The following CUX1 variants were observed in gnomAD, a reference collection of about 807,000 sequenced individuals.
CUX1 encodes the protein protein CASP.
Under a neutral mutation model 158.8 loss-of-function variants are expected in CUX1, and 31 were observed. That is an observed-to-expected ratio of 0.20 (90% CI 0.15 to 0.26). The LOEUF is 0.26. Among genes scored for constraint, CUX1 ranks in the 10% least tolerant of loss-of-function variants. CUX1 has a pLI of 1.00. For synonymous variants in CUX1, 879 were observed against 862.1 expected (o/e 1.02, Z -0.34); for missense variants, 1,589 against 2,014.6 (o/e 0.79, Z 4.04).
chr7:102,012,691 C>T (rs564578616), intron 2 of CUX1, among the ~76,000 whole-genome samples: 1 of 128,416 alleles, frequency 7.8e-6, no homozygotes, highest in Admixed American at 7.5e-5. Flanking sequence ...ACTCTGTGTC[C>T]TGGAGAGTGG....
intron 8 of CUX1, chr7:102,153,226 G>C (rs1413483011): frequency 6.6e-6 from 1 of 152,266 alleles, no homozygotes; most frequent in Non-Finnish European, 1.5e-5. Flanking sequence ...GCCCCACCCA[G>C]GCCCCATAAA....
At chr7:102,269,315 C>A (rs952901180) in intron 14 of CUX1, among the ~76,000 whole-genome samples, 3 of 152,060 alleles carry the variant, frequency 2.0e-5, no homozygotes, top group Admixed American at 2.0e-4. Context: ...GGATGAATAT[C>A]CAAACTATAT....
chr7:101,928,833 G>A (rs1240302890), intron 2 of CUX1, among the ~76,000 whole-genome samples: 1 of 150,830 alleles, frequency 6.6e-6, no homozygotes, highest in African/African-American at 2.4e-5. Flanking sequence ...ACTACGCCCG[G>A]CTAATTTTTT....
At chr7:102,012,050 T>A (rs1188908876) in intron 2 of CUX1, among the ~76,000 whole-genome samples, 1 of 152,042 alleles carries the variant, frequency 6.6e-6, no homozygotes, top group Non-Finnish European at 1.5e-5. Context: ...ATTTATTTAT[T>A]TCAGATAATT....
Position 102,069,104 on chromosome 7 carries a change from T to C in CUX1, c.190-1235T>C, listed in dbSNP as rs373204390. Among the ~76,000 whole-genome samples the C allele has an allele frequency of 3.9e-4, 59 of 152,132 alleles. 1 individual carries two copies. Among genetic ancestry groups the C allele is most frequent in the African/African-American group, 1.3e-3 (54 of 41,514 alleles). On this transcript the variant is annotated intron_variant, in intron 3 of 23. Coordinates refer to ENST00000292535, the MANE Select transcript of CUX1 (RefSeq NM_181552.4). The stretch of plus-strand genomic sequence containing the variant: ...GTGTCGCTGATCTCTCCAGCCGCCC[T>C]CTCCTCCTCCTCGACACCCACAACC...
At chr7:101,955,979 G>C (rs1390065765) in intron 2 of CUX1, among the ~76,000 whole-genome samples, 1 of 151,864 alleles carries the variant, frequency 6.6e-6, no homozygotes, top group Non-Finnish European at 1.5e-5. Flanking sequence ...GTCAGGGGAT[G>C]AGACCATCCT....
At chr7:101,855,154 G>A (rs1796639649) in intron 1 of CUX1, among the ~76,000 whole-genome samples, 1 of 152,260 alleles carries the variant, frequency 6.6e-6, no homozygotes, top group Admixed American at 6.5e-5. Context: ...TCCTGCTGAA[G>A]TGTGTGCTGA....
intron 3 of CUX1, among the ~76,000 whole-genome samples, chr7:102,039,625 A>C (rs1452958778): frequency 2.7e-5 from 4 of 150,822 alleles, no homozygotes; most frequent in African/African-American, 9.8e-5. Flanking sequence ...GTTGCACTCC[A>C]GTCTGGGCAA....
At chr7:102,121,961 C>T (rs1179122259) in intron 8 of CUX1, among the ~76,000 whole-genome samples, 1 of 152,110 alleles carries the variant, frequency 6.6e-6, no homozygotes, top group Non-Finnish European at 1.5e-5. Flanking sequence ...CACAAGCCCC[C>T]GTTGTATTTA....
chr7:102,070,795 CCTA>C (rs1270752409), intron 4 of CUX1, among the ~76,000 whole-genome samples: 1 of 152,110 alleles, frequency 6.6e-6, no homozygotes, highest in Non-Finnish European at 1.5e-5. Flanking sequence ...TAGGAATGGC[CCTA>C]CTAAGACACC....
intron 2 of CUX1, among the ~76,000 whole-genome samples, chr7:102,002,065 G>A (rs1284376478): frequency 2.0e-5 from 3 of 152,210 alleles, no homozygotes; most frequent in South Asian, 2.1e-4. Flanking sequence ...AGGCTGAGAT[G>A]GGTGAGTTGC....
chr7:102,164,195 C>T lies in CUX1; in HGVS notation c.723+5587C>T, dbSNP rs756201482. Among the ~76,000 whole-genome samples, 156 of 152,186 alleles carry T rather than the reference C, an allele frequency of 1.0e-3. 1 individual carries two copies. Among genetic ancestry groups the T allele is most frequent in the Non-Finnish European group, 1.6e-3 (108 of 68,042 alleles). On this transcript the variant is annotated intron_variant, in intron 9 of 23. Coordinates refer to ENST00000292535, the MANE Select transcript of CUX1 (RefSeq NM_181552.4). ...AAAAGTGGCCCGCCCACCACCCCTCCGGGGCCTCCTTTCTGAGCAGTGGTG... is the reference window on the plus strand; with the variant it reads ...AAAAGTGGCCCGCCCACCACCCCTCTGGGGCCTCCTTTCTGAGCAGTGGTG...
At chr7:102,166,922 G>A (rs1206975564) in intron 9 of CUX1, among the ~76,000 whole-genome samples, 5 of 152,174 alleles carry the variant, frequency 3.3e-5, no homozygotes, top group Non-Finnish European at 7.3e-5. Context: ...GGGCCACAGA[G>A]AGACTGTCCG....
intron 11 of CUX1, among the ~76,000 whole-genome samples, chr7:102,181,567 G>A (rs1337298336): frequency 2.0e-5 from 3 of 152,150 alleles, no homozygotes; most frequent in Non-Finnish European, 4.4e-5. Context: ...TTCGTTATCC[G>A]TATCTTGGGG....
chr7:102,189,262 C>T (rs983438164), intron 11 of CUX1, among the ~76,000 whole-genome samples: 1 of 151,824 alleles, frequency 6.6e-6, no homozygotes, highest in Non-Finnish European at 1.5e-5. Context: ...AAAGCCTCTC[C>T]TCCTGTCCTC....
chr7:102,262,347 G>A (rs112848708), downstream of CUX1, among the ~76,000 whole-genome samples: 6 of 151,052 alleles, frequency 4.0e-5, no homozygotes, highest in African/African-American at 1.5e-4. Context: ...GTAGTGAGCC[G>A]TGATACCTCC....
intron 2 of CUX1, among the ~76,000 whole-genome samples, chr7:102,022,629 G>C (rs1186099862): frequency 7.0e-6 from 1 of 142,344 alleles, no homozygotes; most frequent in Non-Finnish European, 1.5e-5. Flanking sequence ...AAAAAAAAAA[G>C]AAAAGAAAAA....
intron 1 of CUX1, among the ~76,000 whole-genome samples, chr7:101,880,005 G>A (rs1799551819): frequency 6.6e-6 from 1 of 152,202 alleles, no homozygotes; most frequent in African/African-American, 2.4e-5. Context: ...GGGGCTGGGG[G>A]AGAGGAGGCG....
At chr7:102,089,498 GC>G (rs782249190) in intron 4 of CUX1, among the ~76,000 whole-genome samples, 54 of 152,314 alleles carry the variant, frequency 3.5e-4, no homozygotes, top group Admixed American at 2.7e-3. Flanking sequence ...ATATGGGCAA[GC>G]CTTGAAGATG....
Sources: allele counts gnomAD v4.1 joint callset (sites outside exome capture counted in the v4.1 genomes callset), GRCh38; gene constraint gnomAD v4.1.1; transcripts MANE v1.5; gene names NCBI Gene and HGNC (gene_info 2026-07-23, HGNC 2026-07-21).